Variants in PUS10 observed in about 807,000 individuals in gnomAD.
PUS10 encodes the protein pseudouridine synthase 10.
In PUS10, 59 loss-of-function variants were observed where a neutral mutation model predicts 75.0. The ratio of observed to expected loss-of-function variants is 0.79; its 90% CI spans 0.64 to 0.98. The LOEUF (loss-of-function observed/expected upper bound fraction) is 0.98. Ranked by LOEUF, PUS10 falls within the 50% of genes least tolerant of loss-of-function variation. PUS10 has a pLI of 0.00. For missense variants in PUS10, 650 were observed against 614.4 expected, an observed-to-expected ratio of 1.06 and a Z score of -0.61; for synonymous variants, 219 against 211.6, an observed-to-expected ratio of 1.03 and a Z score of -0.30.
chr2:60,991,630 A>AT (rs1158586936), intron 4 of PUS10, among the ~76,000 whole-genome samples: 4 of 152,024 alleles, frequency 2.6e-5, no homozygotes, highest in Non-Finnish European at 5.9e-5. Flanking sequence ...CTAATTTTTT[A>AT]TTTTTTGTAG....
At chr2:60,944,958 C>G (rs1674849801) in intron 17 of PUS10, 51 bp downstream of exon 17, 1 of 1,364,426 alleles carries the variant, frequency 7.3e-7, no homozygotes. Context: ...AAGAGCATAA[C>G]TTTGGTTGAA....
rs776626145 is a variant in PUS10, at chr2:60,962,909, G to C, written c.724-19C>G. On this transcript the variant is annotated intron_variant, in intron 8 of 17. Transcript: ENST00000316752. ...ATACAGACTATATAGGGTAAAATGA[G>C]AAGAAAAGACATTTTATTATCCAGA... 80 of 1,531,984 alleles carry C rather than the reference G, an allele frequency of 5.2e-5. No homozygotes were observed. The highest frequency in any genetic ancestry group is 4.7e-5 in the Non-Finnish European group (54 of 1,149,474). 94.9% of individuals were successfully genotyped at this position (1,531,984 alleles called of 1,614,324 possible).
chr2:60,971,865 CTTTTTTT>C (rs756222357), intron 4 of PUS10, among the ~76,000 whole-genome samples: 4 of 99,638 alleles, frequency 4.0e-5, no homozygotes, highest in African/African-American at 8.7e-5. Context: ...TCTTTCTTCT[CTTTTTTT>C]TTTTTTTTTT....
intron 11 of PUS10, among the ~76,000 whole-genome samples, chr2:60,956,974 CAAAAAAAAAAAA>C (rs56804354): frequency 3.1e-4 from 6 of 19,248 alleles, no homozygotes; most frequent in East Asian, 4.2e-3. Flanking sequence ...GACTCCATCT[CAAAAAAAAAAAA>C]AAAAAAAAAA....
chr2:60,974,376 C>G (rs1351090230), intron 4 of PUS10, among the ~76,000 whole-genome samples: 1 of 151,510 alleles, frequency 6.6e-6, no homozygotes, highest in African/African-American at 2.4e-5. Flanking sequence ...CCACCACGCC[C>G]ATAAAGCTCC....
At position 61,004,056 on chromosome 2, in the gene PUS10, G is replaced by A. The variant is rs1679036580; in HGVS notation, c.468+2501C>T. Among the ~76,000 whole-genome samples the A allele has an allele frequency of 1.3e-5, 2 of 152,062 alleles. 1 individual carries two copies. Among genetic ancestry groups the A allele is most frequent in the South Asian group, 4.1e-4 (2 of 4,822 alleles). ...GATAATTGACATCAATCAATTTTAT[G>A]GATAGTATATTGACGTTCGTTCTAC... On this transcript the variant is annotated intron_variant, in intron 4 of 17. Coordinates refer to ENST00000316752, the MANE Select transcript of PUS10 (RefSeq NM_144709.4).
At chr2:60,951,666 T>C (rs1175467479) in intron 15 of PUS10, among the ~76,000 whole-genome samples, 5 of 152,242 alleles carry the variant, frequency 3.3e-5, no homozygotes, top group Admixed American at 2.0e-4. Context: ...GCTGTAAATA[T>C]AGATGAAGCT....
chr2:60,959,433 C>T (rs2104310283), intron 11 of PUS10, among the ~76,000 whole-genome samples: 1 of 152,332 alleles, frequency 6.6e-6, no homozygotes, highest in South Asian at 2.1e-4. Context: ...CTCTTTCGTC[C>T]AGGCTGGAGT....
chr2:60,954,989 C>A, intron 12 of PUS10, 29 bp downstream of exon 12: 1 of 1,443,282 alleles, frequency 6.9e-7, no homozygotes, highest in East Asian at 2.4e-5. Flanking sequence ...AAAGTTAGTT[C>A]TAATCAGGTG....
intron 4 of PUS10, among the ~76,000 whole-genome samples, chr2:60,971,822 C>CTCATTAA (rs1273287658): frequency 6.7e-6 from 1 of 149,478 alleles, no homozygotes; most frequent in Non-Finnish European, 1.5e-5. Flanking sequence ...ATTTCTATTT[C>CTCATTAA]TCATTAATGA....
intron 4 of PUS10, among the ~76,000 whole-genome samples, chr2:60,996,031 A>G (rs1024675635): frequency 3.3e-5 from 5 of 152,228 alleles, no homozygotes; most frequent in Admixed American, 6.5e-5. Flanking sequence ...TAACCTGCCA[A>G]CTGCAATCCT....
intron 4 of PUS10, among the ~76,000 whole-genome samples, chr2:60,990,048 A>C (rs2104556021): frequency 6.6e-6 from 1 of 152,290 alleles, no homozygotes; most frequent in South Asian, 2.1e-4. Context: ...AGACAAAAAA[A>C]TTACACAATA....
intron 15 of PUS10, among the ~76,000 whole-genome samples, chr2:60,951,636 A>G (rs1454307292): frequency 6.6e-6 from 1 of 152,180 alleles, no homozygotes; most frequent in African/African-American, 2.4e-5. Context: ...CTCAGGTGGT[A>G]ATGTGAGTGA....
intron 6 of PUS10, 96 bp downstream of exon 6, chr2:60,967,406 A>C (rs1196706483): frequency 4.0e-5 from 31 of 776,296 alleles, no homozygotes; most frequent in Non-Finnish European, 6.2e-5. Context: ...GGATTATTTA[A>C]AAAGAAGTTT....
At position 61,008,871 on chromosome 2, in the gene PUS10, T is replaced by TCC. The variant is rs1679418431; in HGVS notation, c.269_270dup (p.Ile91GlyfsTer17). Reference sequence around the variant, plus strand: ...GTGCTTCCAACATGACTAACAGAGATCCTTCCCTCTCCATTTTGACTTAGA... The same window carrying TCC: ...GTGCTTCCAACATGACTAACAGAGATCCCCTTCCCTCTCCATTTTGACTTAGA... On this transcript the variant is annotated frameshift_variant, in exon 3 of 18. Transcript: ENST00000316752. LOFTEE classifies it high-confidence loss of function. The TCC allele has an allele frequency of 6.2e-7, 1 of 1,613,882 alleles. No homozygotes were observed.
chr2:60,942,061 AC>A lies in PUS10; in HGVS notation c.*333del. The A allele has an allele frequency of 4.5e-6, 1 of 220,488 alleles. No individual in the cohort carries two copies. Among genetic ancestry groups the A allele is most frequent in the East Asian group, 9.6e-5 (1 of 10,440 alleles). The allele number at this position is 220,488 out of a possible 1,614,324, so 13.7% of individuals were successfully genotyped here. The stretch of plus-strand genomic sequence containing the variant: ...TGTGGAGGGAAATCTTGCTGAAATT[AC>A]AGCTTCTTAGGTTAACAGAGAATGT... On this transcript the variant is annotated 3_prime_UTR_variant, in exon 18 of 18. Transcript: ENST00000316752.
intron 3 of PUS10, among the ~76,000 whole-genome samples, chr2:61,007,236 AG>A (rs1679276318): frequency 6.7e-6 from 1 of 149,078 alleles, no homozygotes; most frequent in African/African-American, 2.6e-5. Flanking sequence ...TTTAAAAAAA[AG>A]AAAATATTTT....
At chr2:61,005,196 G>C (rs1189249939) in intron 4 of PUS10, among the ~76,000 whole-genome samples, 5 of 152,174 alleles carry the variant, frequency 3.3e-5, no homozygotes, top group Non-Finnish European at 7.3e-5. Flanking sequence ...GGGAGGCAGA[G>C]GTTGCAGTGA....
chr2:60,949,000 TAAGA>T (rs1354396176), intron 15 of PUS10, among the ~76,000 whole-genome samples: 1 of 152,178 alleles, frequency 6.6e-6, no homozygotes, highest in Non-Finnish European at 1.5e-5. Context: ...GAAGGCCTGC[TAAGA>T]AAGAAAGGTT....
Sources: gnomAD v4.1 joint callset for allele counts (sites outside exome capture counted in the v4.1 genomes callset) on GRCh38, gnomAD v4.1.1 for gene constraint, MANE v1.5 for transcripts, NCBI Gene and HGNC (gene_info 2026-07-23, HGNC 2026-07-21) for gene names.